LVRN: variants seen among roughly 807,000 people sequenced by gnomAD.
LVRN encodes aminopeptidase Q.
Under a neutral mutation model 111.4 loss-of-function variants are expected in LVRN, and 99 were observed. The ratio of observed to expected loss-of-function variants is 0.89; its 90% CI spans 0.76 to 1.05. LVRN has a LOEUF of 1.05. Among genes scored for constraint, LVRN ranks in the 50% least tolerant of loss-of-function variants. The pLI, the probability that LVRN is intolerant of heterozygous loss-of-function variation, is 0.00. For missense variants in LVRN, 1,414 were observed against 1,206.8 expected, an observed-to-expected ratio of 1.17 and a Z score of -2.54; for synonymous variants, 488 against 449.5, an observed-to-expected ratio of 1.09 and a Z score of -1.08.
chr5:115,968,799 A>G (rs554444257), intron 1 of LVRN, among the ~76,000 whole-genome samples: 9 of 152,370 alleles, frequency 5.9e-5, no homozygotes, highest in Admixed American at 3.9e-4. Flanking sequence ...TATTCCCAGG[A>G]AAAATCAGCT....
intron 15 of LVRN, 90 bp from the exon 16 acceptor site, chr5:116,014,330 C>A: frequency 4.5e-6 from 4 of 891,808 alleles, no homozygotes; most frequent in South Asian, 1.6e-5. Context: ...TAAAAATACC[C>A]ATCTTTTTAT....
At chr5:115,973,142 C>G (rs558486127) in intron 1 of LVRN, among the ~76,000 whole-genome samples, 60 of 152,274 alleles carry the variant, frequency 3.9e-4, no homozygotes, top group Non-Finnish European at 6.8e-4. Flanking sequence ...GTTGCCCAGG[C>G]TGGTCTCAAA....
In LVRN at chr5:116,025,987, T is replaced by G. The variant is rs1402636378; in HGVS notation, c.2842T>G (p.Phe948Val). ...CTCTCTGTCCTTCCAGCTGCAGCAG[T>G]TTTTCAGTAACATGTTGGAGGAACA... Reference protein sequence around the residue: ...TDLQIVELQQFFSNMLEEHQR... With the variant: ...TDLQIVELQQVFSNMLEEHQR... Residue 948 changes from phenylalanine to valine, a missense_variant, in exon 20 of 20, where the codon TTT becomes GTT. Coordinates refer to ENST00000357872, the MANE Select transcript of LVRN (RefSeq NM_173800.5). 6.2e-7 allele frequency: 1 copy of G among 1,613,700 alleles called. No homozygotes were observed.
chr5:115,998,406 G>T (rs1287397230), intron 6 of LVRN, among the ~76,000 whole-genome samples: 1 of 152,116 alleles, frequency 6.6e-6, no homozygotes, highest in African/African-American at 2.4e-5. Context: ...AAGTAAATGA[G>T]CAAGATAAAA....
At chr5:115,969,698 G>A (rs1044803440) in intron 1 of LVRN, among the ~76,000 whole-genome samples, 4 of 151,284 alleles carry the variant, frequency 2.6e-5, no homozygotes, top group Admixed American at 2.0e-4. Context: ...TACTCATGAG[G>A]CTGAGGCAGA....
rs147622117 is a variant in LVRN at position 116,024,056 on chromosome 5, A to G, written c.2832+1590A>G. Reference sequence around the variant, plus strand: ...CATTCTGGGTAATGCAAATGGATCTATAGTGACAAAGGGCAGATCAGTGGT... The same window carrying G: ...CATTCTGGGTAATGCAAATGGATCTGTAGTGACAAAGGGCAGATCAGTGGT... On this transcript the variant is annotated intron_variant, in intron 19 of 19. Coordinates refer to ENST00000357872, the MANE Select transcript of LVRN (RefSeq NM_173800.5). Among the ~76,000 whole-genome samples the G allele has an allele frequency of 2.4e-3, 369 of 152,342 alleles. 4 individuals are homozygous for G. The highest frequency in any genetic ancestry group is 8.7e-3 in the African/African-American group (361 of 41,582).
chr5:115,964,297 A>G (rs1753156108), intron 1 of LVRN, among the ~76,000 whole-genome samples: 2 of 152,208 alleles, frequency 1.3e-5, no homozygotes, highest in Non-Finnish European at 2.9e-5. Flanking sequence ...TCTCTGAGGG[A>G]AAGAATCCCA....
At chr5:115,980,377 G>T (rs143749160) in intron 1 of LVRN, among the ~76,000 whole-genome samples, 2 of 151,926 alleles carry the variant, frequency 1.3e-5, no homozygotes, top group East Asian at 3.9e-4. Flanking sequence ...GCTGTGTGTC[G>T]TAGGGATTTT....
At position 115,993,826 on chromosome 5, in the gene LVRN, T is replaced by G; in HGVS notation, c.1346T>G (p.Ile449Ser). ...GCATCTTATTTTGAGTTTGAAGTAA[T>G]TAACTACTTTAATCCTAAACTCCCA... ...GFASYFEFEVINYFNPKLPRN... is the reference protein window; with the variant it reads ...GFASYFEFEVSNYFNPKLPRN... The change falls in exon 6 of 20, where the codon ATT (isoleucine) becomes AGT (serine). Residue 449 changes from isoleucine (I) to serine (S), a missense_variant. By Grantham distance (142) the Ile-to-Ser change is moderately radical (BLOSUM62 -2). Transcript: ENST00000357872. 1.2e-6 allele frequency: 2 copies of G among 1,604,562 alleles called. No homozygotes were observed. The highest frequency in any genetic ancestry group is 2.2e-5 in the South Asian group (2 of 89,096).
chr5:115,992,359 G>T, intron 5 of LVRN, 82 bp downstream of exon 5: 2 of 1,467,234 alleles, frequency 1.4e-6, no homozygotes, highest in South Asian at 1.2e-5. Context: ...ACCCCAGTAA[G>T]ACCCTGCCAT....
chr5:116,010,451 A>G, intron 13 of LVRN: 1 of 461,610 alleles, frequency 2.2e-6, no homozygotes, highest in Non-Finnish European at 4.2e-6. Context: ...AAGAATGCAT[A>G]CAGAATGCAT....
intron 1 of LVRN, among the ~76,000 whole-genome samples, chr5:115,969,137 A>T (rs1753266263): frequency 6.6e-6 from 1 of 152,188 alleles, no homozygotes; most frequent in Non-Finnish European, 1.5e-5. Context: ...TACAGGAGGA[A>T]GCGTCTTAGT....
At chr5:115,986,647 G>A (rs914596752) in intron 3 of LVRN, among the ~76,000 whole-genome samples, 2 of 152,178 alleles carry the variant, frequency 1.3e-5, no homozygotes, top group South Asian at 4.1e-4. Context: ...ACTTGGAATA[G>A]AGTCCAGCCC....
intron 1 of LVRN, among the ~76,000 whole-genome samples, chr5:115,964,912 A>G (rs1456280160): frequency 6.6e-6 from 1 of 152,202 alleles, no homozygotes; most frequent in African/African-American, 2.4e-5. Context: ...CACAAGGAAA[A>G]GACACCTAAG....
At chr5:115,978,761 A>G (rs17482037) in intron 1 of LVRN, among the ~76,000 whole-genome samples, 35,165 of 151,208 alleles carry the variant, frequency 0.23, 4,390 homozygotes, top group Non-Finnish European at 0.27. Context: ...TCACGTTTCT[A>G]CTCTTCTTTG....
rs529193011 is a variant in LVRN, at chr5:116,003,094, T to G, written c.1898-147T>G. ...GCCATTATATGTGAAAAATATATAATTACCTGGTAAGAGCAATATATATTT... is the reference window on the plus strand; with the variant it reads ...GCCATTATATGTGAAAAATATATAAGTACCTGGTAAGAGCAATATATATTT... On this transcript the variant is annotated intron_variant, in intron 11 of 19. Coordinates refer to ENST00000357872, the MANE Select transcript of LVRN (RefSeq NM_173800.5). 4.2e-5 allele frequency: 38 copies of G among 894,736 alleles called. No individual in the cohort carries two copies. In the African/African-American group the frequency reaches 4.3e-4, roughly 10 times the overall value. 55.4% of individuals were successfully genotyped at this position (894,736 alleles called of 1,614,324 possible).
intron 9 of LVRN, 99 bp from the exon 10 acceptor site, chr5:116,000,968 T>C (rs1281230485): frequency 1.5e-6 from 2 of 1,345,588 alleles, no homozygotes; most frequent in Non-Finnish European, 2.0e-6. Context: ...ACTACATAAG[T>C]GAGGAAGAGA....
In LVRN at chr5:115,962,564, G is replaced by C. The variant is rs755904111; in HGVS notation, c.-54G>C. 6.5e-7 allele frequency: 1 copy of C among 1,529,482 alleles called. No homozygotes were observed. Among genetic ancestry groups the C allele is most frequent in the Non-Finnish European group, 8.9e-7 (1 of 1,128,954 alleles). The allele number at this position is 1,529,482 out of a possible 1,614,324, so 94.7% of individuals were successfully genotyped here. A position where few individuals can be genotyped will look rare whatever the true frequency, so the allele number is the denominator to read the frequency against. ...CACTGAACACCCTGGCCGGGGTTTTGACAGCTGCCACAGTCTCTGAGCTCC... is the reference window on the plus strand; with the variant it reads ...CACTGAACACCCTGGCCGGGGTTTTCACAGCTGCCACAGTCTCTGAGCTCC... On this transcript the variant is annotated 5_prime_UTR_variant, in exon 1 of 20. Coordinates refer to ENST00000357872, the MANE Select transcript of LVRN (RefSeq NM_173800.5).
intron 12 of LVRN, 130 bp downstream of exon 12, chr5:116,003,510 G>A (rs934043444): frequency 1.2e-5 from 6 of 487,402 alleles, no homozygotes; most frequent in South Asian, 1.2e-4. Context: ...GCATGCAAAA[G>A]ATTTTTTTTT....
Sources: gnomAD v4.1 joint callset for allele counts (sites outside exome capture counted in the v4.1 genomes callset) on GRCh38, gnomAD v4.1.1 for gene constraint, MANE v1.5 for transcripts, NCBI Gene and HGNC (gene_info 2026-07-23, HGNC 2026-07-21) for gene names.